Variants in IRAK4 observed in about 807,000 individuals in gnomAD.
The protein encoded by IRAK4 is interleukin-1 receptor-associated kinase 4.
A neutral mutation model predicts 51.8 loss-of-function variants in IRAK4; 44 were observed. The observed-to-expected ratio is 0.85, with a 90% CI of 0.67 to 1.09. IRAK4 has a LOEUF of 1.09. IRAK4 is among the 50% of genes least tolerant of loss of function. IRAK4 has a pLI of 0.00. For missense variants in IRAK4, 487 were observed against 538.0 expected, an observed-to-expected ratio of 0.91 and a Z score of 0.94; for synonymous variants, 149 against 174.1, an observed-to-expected ratio of 0.86 and a Z score of 1.13.
chr12:43,768,118 A>C lies in IRAK4; in HGVS notation c.7A>C (p.Lys3Gln), dbSNP rs752890848. Residue 3 changes from lysine (K) to glutamine (Q), a missense_variant, in exon 2 of 12, where the codon AAA becomes CAA. Coordinates refer to ENST00000613694, the MANE Select transcript of IRAK4 (RefSeq NM_016123.4). ...CATATTTTAGGAATAGAAGATGAAC[A>C]AACCCATAACACCATCAACATATGT... MN[K>Q]PITPSTYVRC... The C allele has an allele frequency of 1.7e-5, 27 of 1,613,484 alleles. No individual in the cohort carries two copies. The highest frequency in any genetic ancestry group is 2.3e-5 in the Non-Finnish European group (27 of 1,179,644).
At position 43,774,039 on chromosome 12, in the gene IRAK4, A is replaced by C; in HGVS notation, c.716+10A>C. 1.9e-6 allele frequency: 3 copies of C among 1,600,626 alleles called. No individual in the cohort carries two copies. The highest frequency in any genetic ancestry group is 2.6e-6 in the Non-Finnish European group (3 of 1,170,490). ...TAAAAGTAATGGCAAAGTAAGTCTTAATCTGGCAGTGCGGTGTAGTGGAAA... is the reference window on the plus strand; with the variant it reads ...TAAAAGTAATGGCAAAGTAAGTCTTCATCTGGCAGTGCGGTGTAGTGGAAA... On this transcript the variant is annotated intron_variant, in intron 6 of 11. Coordinates refer to ENST00000613694, the MANE Select transcript of IRAK4 (RefSeq NM_016123.4).
rs1199262905 is a variant in IRAK4 at position 43,786,778 on chromosome 12, A to AT, written c.*70dup. Reference sequence around the variant, plus strand: ...CCTATCTCAACCATTTTTTTAACTGATTTTTTTCCTAAATATTCTTCTTTA... The same window carrying AT: ...CCTATCTCAACCATTTTTTTAACTGATTTTTTTTCCTAAATATTCTTCTTTA... On this transcript the variant is annotated 3_prime_UTR_variant, in exon 12 of 12. Transcript: ENST00000613694. 1.4e-5 allele frequency: 19 copies of AT among 1,368,842 alleles called. No individual in the cohort carries two copies. The highest frequency in any genetic ancestry group is 1.2e-4 in the African/African-American group (8 of 69,360). The allele number at this position is 1,368,842 out of a possible 1,614,324, so 84.8% of individuals were successfully genotyped here.
At chr12:43,770,553 C>T (rs1390244315) in intron 2 of IRAK4, among the ~76,000 whole-genome samples, 2 of 152,098 alleles carry the variant, frequency 1.3e-5, no homozygotes, top group African/African-American at 4.8e-5. Flanking sequence ...CATCCTATAA[C>T]CCACTAAGTA....
Position 43,783,642 on chromosome 12 carries a change from G to GT in IRAK4, c.1126-20_1126-19insT. On this transcript the variant is annotated intron_variant, in intron 9 of 11. Coordinates refer to ENST00000613694, the MANE Select transcript of IRAK4 (RefSeq NM_016123.4). Reference sequence around the variant, plus strand: ...AGCCTATCTTGTGTATTATATTAATGATTTTTTTTGTCTTCATAGGTTTTA... The same window carrying GT: ...AGCCTATCTTGTGTATTATATTAATGTATTTTTTTTGTCTTCATAGGTTTTA... 9.2e-6 allele frequency: 14 copies of GT among 1,523,674 alleles called. No homozygotes were observed. The highest frequency in any genetic ancestry group is 1.1e-5 in the South Asian group (1 of 88,098). 94.4% of individuals were successfully genotyped at this position (1,523,674 alleles called of 1,614,324 possible). A position where few individuals can be genotyped will look rare whatever the true frequency, so the allele number is the denominator to read the frequency against.
At chr12:43,771,416 G>A (rs1362985622) in intron 3 of IRAK4, 51 bp downstream of exon 3, 3 of 1,574,544 alleles carry the variant, frequency 1.9e-6, no homozygotes, top group East Asian at 2.2e-5. Context: ...AAGACAAATG[G>A]CAGAAATATA....
Position 43,788,147 on chromosome 12 carries a change from C to G in IRAK4, c.*1432C>G, listed in dbSNP as rs1350277833. 2 of 152,180 alleles carry G rather than the reference C, an allele frequency of 1.3e-5. No homozygotes were observed. The highest frequency in any genetic ancestry group is 1.9e-4 in the East Asian group (1 of 5,200). 9.4% of individuals were successfully genotyped at this position (152,180 alleles called of 1,614,324 possible). A position where few individuals can be genotyped will look rare whatever the true frequency, so the allele number is the denominator to read the frequency against. ...ATAGAAAACAAATACAGATACTCTCCCATGATGTTTTTCCCATGATGATTT... is the reference window on the plus strand; with the variant it reads ...ATAGAAAACAAATACAGATACTCTCGCATGATGTTTTTCCCATGATGATTT... On this transcript the variant is annotated 3_prime_UTR_variant, in exon 12 of 12. Transcript: ENST00000613694.
intron 1 of IRAK4, among the ~76,000 whole-genome samples, chr12:43,761,986 C>G (rs1458205559): frequency 1.3e-5 from 2 of 152,080 alleles, no homozygotes; most frequent in African/African-American, 4.8e-5. Flanking sequence ...TGTGTTAATC[C>G]TAAGTGTACT....
At chr12:43,782,174 A>G (rs1453769038) in intron 8 of IRAK4, 133 bp from the exon 9 acceptor site, 3 of 671,286 alleles carry the variant, frequency 4.5e-6, no homozygotes, top group Admixed American at 4.7e-5. Flanking sequence ...TACACTCTGT[A>G]AATATGTATG....
Position 43,772,279 on chromosome 12 carries a change from C to G in IRAK4, c.407C>G (p.Thr136Arg). Residue 136 changes from threonine (T) to arginine (R), a missense_variant, in exon 4 of 12, where the codon ACA (threonine) becomes AGA (arginine). By Grantham distance (71) the Thr-to-Arg change is moderately conservative. Transcript: ENST00000613694. ...PFCDKDRTLM[T>R]PVQNLEQSYM... is the part of the protein sequence containing the mutation. ...TGTGACAAAGACAGGACATTGATGA[C>G]ACCTGTGCAGAATCTTGAACAAAGC... 1 of 1,613,714 alleles carries G rather than the reference C, an allele frequency of 6.2e-7. No homozygotes were observed. Among genetic ancestry groups the G allele is most frequent in the South Asian group, 1.1e-5 (1 of 91,076 alleles).
At chr12:43,770,632 G>A (rs1742442942) in intron 2 of IRAK4, among the ~76,000 whole-genome samples, 1 of 151,940 alleles carries the variant, frequency 6.6e-6, no homozygotes, top group Admixed American at 6.6e-5. Flanking sequence ...TATCTTTCCT[G>A]TCTCTCTGTA....
At chr12:43,777,380 C>A (rs577357201) in intron 6 of IRAK4, among the ~76,000 whole-genome samples, 1 of 152,032 alleles carries the variant, frequency 6.6e-6, no homozygotes, top group South Asian at 2.1e-4. Flanking sequence ...CAGAGTTAGA[C>A]CCTGTCTCAA....
intron 1 of IRAK4, among the ~76,000 whole-genome samples, chr12:43,762,290 AT>A (rs1162681722): frequency 6.6e-6 from 1 of 152,172 alleles, no homozygotes. Context: ...CCCTACACTT[AT>A]CACCTCTGCT....
At position 43,783,743 on chromosome 12, in the gene IRAK4, T is replaced by C. The variant is rs1941982834; in HGVS notation, c.1188+19T>C. The C allele has an allele frequency of 2.6e-6, 4 of 1,542,078 alleles. No individual in the cohort carries two copies. Among genetic ancestry groups the C allele is most frequent in the Non-Finnish European group, 3.6e-6 (4 of 1,116,574 alleles). On this transcript the variant is annotated intron_variant, in intron 10 of 11. Transcript: ENST00000613694. The stretch of plus-strand genomic sequence containing the variant: ...GTTATTGGTAAATGAAATATTCATT[T>C]TCCTCAATCCTTTTTTCTCTGCTTT...
chr12:43,770,762 T>A (rs1459476282), intron 2 of IRAK4, among the ~76,000 whole-genome samples: 1 of 152,158 alleles, frequency 6.6e-6, no homozygotes, highest in Non-Finnish European at 1.5e-5. Context: ...ATGCTATTGT[T>A]TGAATGTGTC....
chr12:43,761,111 T>C (rs1018526674), intron 1 of IRAK4: 1 of 152,244 alleles, frequency 6.6e-6, no homozygotes, highest in African/African-American at 2.4e-5. Context: ...CAGTTTGTAA[T>C]AGGCAGCCCT....
chr12:43,784,553 A>G (rs1444012243), intron 10 of IRAK4, among the ~76,000 whole-genome samples: 1 of 152,192 alleles, frequency 6.6e-6, no homozygotes. Context: ...ACCCAGATTG[A>G]TTCACTAAGT....
Position 43,772,912 on chromosome 12 carries a change from G to T in IRAK4, c.491G>T (p.Arg164Leu). The change falls in exon 5 of 12, where the codon CGT becomes CTT. Residue 164 changes from arginine to leucine, a missense_variant and splice_region_variant. Coordinates refer to ENST00000613694, the MANE Select transcript of IRAK4 (RefSeq NM_016123.4). ...ENKSLEVSDT[R>L]FHSFSFYELK... The stretch of plus-strand genomic sequence containing the variant: ...GCATGTTTTTCTTATTTTGACATAG[G>T]TTTTCACAGTTTTTCATTTTATGAA... 6.2e-7 allele frequency: 1 copy of T among 1,602,552 alleles called. No individual in the cohort carries two copies. The highest frequency in any genetic ancestry group is 8.5e-7 in the Non-Finnish European group (1 of 1,172,916).
At position 43,786,987 on chromosome 12, in the gene IRAK4, G is replaced by C. The variant is rs1241460155; in HGVS notation, c.*272G>C. The C allele has an allele frequency of 4.3e-6, 2 of 468,394 alleles. No individual in the cohort carries two copies. The highest frequency in any genetic ancestry group is 3.9e-5 in the African/African-American group (2 of 50,662). 29.0% of individuals were successfully genotyped at this position (468,394 alleles called of 1,614,324 possible). On this transcript the variant is annotated 3_prime_UTR_variant, in exon 12 of 12. Transcript: ENST00000613694. ...CACCAAACACAGTTTGAAAATTACA[G>C]GGTTAGCAAAAAGAGCCTGGGCTGT...
chr12:43,782,627 A>C, intron 9 of IRAK4, 137 bp downstream of exon 9: 1 of 717,716 alleles, frequency 1.4e-6, no homozygotes, highest in South Asian at 2.1e-5. Flanking sequence ...ACCTCTACTT[A>C]TACCAGAAAG....
Sources: allele counts gnomAD v4.1 joint callset (sites outside exome capture counted in the v4.1 genomes callset), GRCh38; gene constraint gnomAD v4.1.1; transcripts MANE v1.5; gene names NCBI Gene and HGNC (gene_info 2026-07-23, HGNC 2026-07-21).